CLSTN2: variants seen among roughly 807,000 people sequenced by gnomAD.
CLSTN2 encodes the protein calsyntenin-2.
Under a neutral mutation model 101.2 loss-of-function variants are expected in CLSTN2, and 48 were observed. That is an observed-to-expected ratio of 0.47 (90% CI 0.38 to 0.60). The LOEUF is 0.60. Among genes scored for constraint, CLSTN2 ranks in the 20% least tolerant of loss-of-function variants. The probability of loss-of-function intolerance (pLI) is 0.00; values close to 1 mark genes in which losing one functional copy is unlikely to be tolerated. For missense variants in CLSTN2, 1,160 were observed against 1,238.2 expected (o/e 0.94, Z 0.95); for synonymous variants, 481 against 463.6 (o/e 1.04, Z -0.48).
At chr3:140,133,796 T>G (rs556002916) in intron 1 of CLSTN2, among the ~76,000 whole-genome samples, 18 of 152,288 alleles carry the variant, frequency 1.2e-4, no homozygotes, top group Admixed American at 5.9e-4. Context: ...GTAAACCAAC[T>G]TAGTCTCCCC....
intron 2 of CLSTN2, among the ~76,000 whole-genome samples, chr3:140,242,000 T>C (rs1245607702): frequency 6.6e-6 from 1 of 151,858 alleles, no homozygotes; most frequent in African/African-American, 2.4e-5. Flanking sequence ...CTCCGTCTCC[T>C]GGGTTCAAGC....
intron 2 of CLSTN2, among the ~76,000 whole-genome samples, chr3:140,352,852 C>T (rs79769767): frequency 6.6e-6 from 1 of 152,128 alleles, no homozygotes; most frequent in South Asian, 2.1e-4. Context: ...TTCAGAAATT[C>T]AATCTCTGCC....
At chr3:140,348,691 T>C (rs2087575262) in intron 2 of CLSTN2, among the ~76,000 whole-genome samples, 1 of 152,190 alleles carries the variant, frequency 6.6e-6, no homozygotes, top group Non-Finnish European at 1.5e-5. Context: ...AAGACCTTCA[T>C]ATTATGCTCC....
Position 140,562,298 on chromosome 3 carries a change from C to T in CLSTN2, c.2202C>T (p.Tyr734=), listed in dbSNP as rs764166018. Residue 734 remains tyrosine, a synonymous_variant, in exon 13 of 17, where the codon TAC becomes TAT. Transcript: ENST00000458420. ...ATGCCACTAATTCTACTGCAGGCTA[C>T]TCCATCTACGGTAAGGCCACACTCA... The part of the protein sequence containing the change: ...HLDATNSTAG[Y]SIYGVGSMSR... 4 of 1,612,992 alleles carry T rather than the reference C, an allele frequency of 2.5e-6. No homozygotes were observed. The South Asian group carries it at 3.3e-5, about 13-fold the overall frequency.
rs567452468 is a variant in CLSTN2, at chr3:140,087,204, C to T, written c.110-88747C>T. 3.9e-5 allele frequency among the ~76,000 whole-genome samples: 6 copies of T among 151,960 alleles called. No individual in the cohort carries two copies. In the South Asian group the frequency reaches 1.2e-3, roughly 32 times the overall value. ...CAACCAGATTGTAGTTGTGTTGTGT[C>T]CATTTAACCTTTGCTGAACTTCAGG... On this transcript the variant is annotated intron_variant, in intron 1 of 16. Coordinates refer to ENST00000458420, the MANE Select transcript of CLSTN2 (RefSeq NM_022131.3).
intron 1 of CLSTN2, among the ~76,000 whole-genome samples, chr3:140,010,434 C>T (rs937435660): frequency 2.0e-5 from 3 of 152,154 alleles, no homozygotes; most frequent in East Asian, 1.9e-4. Context: ...CTAGGGCTGG[C>T]CTGCCTTGTT....
chr3:140,079,277 A>C (rs541193808), intron 1 of CLSTN2, among the ~76,000 whole-genome samples: 1 of 152,152 alleles, frequency 6.6e-6, no homozygotes, highest in Non-Finnish European at 1.5e-5. Flanking sequence ...GCCAAGAAAG[A>C]GTTGTATGGT....
intron 8 of CLSTN2, among the ~76,000 whole-genome samples, chr3:140,505,160 T>C (rs1344946084): frequency 6.6e-6 from 1 of 152,160 alleles, no homozygotes; most frequent in African/African-American, 2.4e-5. Context: ...TTGGCCCTTC[T>C]GCAGAAATCA....
At chr3:140,224,158 C>A (rs980864400) in intron 2 of CLSTN2, among the ~76,000 whole-genome samples, 9 of 152,186 alleles carry the variant, frequency 5.9e-5, no homozygotes, top group Non-Finnish European at 1.5e-5. Context: ...CAGTTACCAG[C>A]ATTGGCTTTG....
chr3:139,972,924 T>G (rs1011921847), intron 1 of CLSTN2, among the ~76,000 whole-genome samples: 1 of 152,240 alleles, frequency 6.6e-6, no homozygotes, highest in Non-Finnish European at 1.5e-5. Flanking sequence ...TGGCTCAGAA[T>G]TTTTTCTGCA....
chr3:140,084,513 C>A (rs1437285559), intron 1 of CLSTN2, among the ~76,000 whole-genome samples: 3 of 152,172 alleles, frequency 2.0e-5, no homozygotes, highest in African/African-American at 7.2e-5. Flanking sequence ...CTGACAAAAT[C>A]TAATTTCCTT....
chr3:140,234,044 T>A (rs949262347), intron 2 of CLSTN2, among the ~76,000 whole-genome samples: 6 of 152,272 alleles, frequency 3.9e-5, no homozygotes, highest in Admixed American at 3.9e-4. Flanking sequence ...TAACAAAAAA[T>A]AGGTTGCTGA....
At chr3:139,996,548 G>T (rs748669447) in intron 1 of CLSTN2, among the ~76,000 whole-genome samples, 8 of 152,040 alleles carry the variant, frequency 5.3e-5, no homozygotes, top group Non-Finnish European at 8.8e-5. Flanking sequence ...CACCATCAAA[G>T]CATTTGTATC....
At chr3:140,065,760 G>A (rs938830764) in intron 1 of CLSTN2, among the ~76,000 whole-genome samples, 1 of 152,186 alleles carries the variant, frequency 6.6e-6, no homozygotes, top group African/African-American at 2.4e-5. Flanking sequence ...TACTTCATTT[G>A]TTTAAATGGT....
At position 140,403,822 on chromosome 3, in the gene CLSTN2, C is replaced by A; in HGVS notation, c.426C>A (p.His142Gln). 2 of 1,608,020 alleles carry A rather than the reference C, an allele frequency of 1.2e-6. No individual in the cohort carries two copies. The highest frequency in any genetic ancestry group is 1.7e-6 in the Non-Finnish European group (2 of 1,176,190). ...GPHETAWKKS[H>Q]KAVVHIQVKD... ...ACGAGACAGCCTGGAAAAAGTCACA[C>A]AAGTGAGTGGCCTGACAGAGCCCTC... Residue 142 changes from histidine (H) to glutamine (Q), a missense_variant and splice_region_variant, in exon 3 of 17, where the codon CAC becomes CAA. By Grantham distance (24) the His-to-Gln change is conservative. Transcript: ENST00000458420.
intron 1 of CLSTN2, among the ~76,000 whole-genome samples, chr3:140,059,175 A>G (rs1427350306): frequency 2.0e-5 from 3 of 152,242 alleles, no homozygotes; most frequent in Non-Finnish European, 2.9e-5. Flanking sequence ...TAGCTAACAT[A>G]CTAGCTCTTG....
chr3:140,274,592 T>C (rs550263585), intron 2 of CLSTN2, among the ~76,000 whole-genome samples: 139 of 152,206 alleles, frequency 9.1e-4, no homozygotes, highest in African/African-American at 3.1e-3. Context: ...TCATCAGGCA[T>C]GTTGTCCACC....
At chr3:139,952,632 T>TA (rs978339298) in intron 1 of CLSTN2, among the ~76,000 whole-genome samples, 3 of 151,778 alleles carry the variant, frequency 2.0e-5, no homozygotes, top group South Asian at 2.1e-4. Context: ...AAAGTATTTC[T>TA]AAAAAAAAAT....
chr3:140,531,855 G>T (rs529673864), intron 8 of CLSTN2, among the ~76,000 whole-genome samples: 1 of 152,256 alleles, frequency 6.6e-6, no homozygotes, highest in African/African-American at 2.4e-5. Flanking sequence ...GAGGGTTTGG[G>T]GATTAAACAA....
Sources: allele counts gnomAD v4.1 joint callset (sites outside exome capture counted in the v4.1 genomes callset), GRCh38; gene constraint gnomAD v4.1.1; transcripts MANE v1.5; gene names NCBI Gene and HGNC (gene_info 2026-07-23, HGNC 2026-07-21).